The following UPK1A variants were observed in gnomAD, a reference collection of about 807,000 sequenced individuals.
UPK1A encodes uroplakin-1a.
Under a neutral mutation model 32.3 loss-of-function variants are expected in UPK1A, and 31 were observed. That is an observed-to-expected ratio of 0.96 (90% CI 0.72 to 1.30). UPK1A has a LOEUF of 1.30. Ranked by LOEUF, UPK1A falls within the 50% of genes most tolerant of loss-of-function variation. The probability of loss-of-function intolerance (pLI) is 0.00; values close to 1 mark genes in which losing one functional copy is unlikely to be tolerated. For missense variants in UPK1A, 340 were observed against 357.4 expected (o/e 0.95, Z 0.39); for synonymous variants, 135 against 137.1 (o/e 0.98, Z 0.11).
Position 35,668,445 on chromosome 19 carries a change from T to G in UPK1A, c.85-9T>G. On this transcript the variant is annotated splice_polypyrimidine_tract_variant and intron_variant, in intron 2 of 7. Transcript: ENST00000617999. ...CGAGCAGACCTTCCTAACCCACCGC[T>G]CTGTCCAGCTGTCAGGCCTGTCCCT... The G allele has an allele frequency of 6.2e-7, 1 of 1,614,042 alleles. No individual in the cohort carries two copies. The highest frequency in any genetic ancestry group is 8.5e-7 in the Non-Finnish European group (1 of 1,180,028).
chr19:35,671,185 G>A (rs1028492856), intron 3 of UPK1A, among the ~76,000 whole-genome samples: 6 of 151,662 alleles, frequency 4.0e-5, no homozygotes, highest in Admixed American at 6.6e-5. Context: ...TCAGGAGATC[G>A]AGACCTTCCT....
exon 3 of UPK1A, chr19:35,668,512 T>A: frequency 1.2e-6 from 2 of 1,614,186 alleles, no homozygotes; most frequent in Non-Finnish European, 8.5e-7. Flanking sequence ...CAGTACCGTG[T>A]ATACCCACTG....
intron 3 of UPK1A, among the ~76,000 whole-genome samples, chr19:35,671,183 T>G (rs547459824): frequency 3.8e-4 from 58 of 151,810 alleles, no homozygotes; most frequent in Middle Eastern, 6.8e-3. Context: ...GGTCAGGAGA[T>G]CGAGACCTTC....
exon 8 of UPK1A, chr19:35,678,046 C>T: frequency 5.8e-6 from 9 of 1,555,948 alleles, no homozygotes; most frequent in East Asian, 2.3e-5. Flanking sequence ...GCAACATACA[C>T]ACCCCGGACT....
At chr19:35,676,379 G>A (rs750222456) in intron 6 of UPK1A, 80 of 362,640 alleles carry the variant, frequency 2.2e-4, no homozygotes, top group African/African-American at 1.4e-3. Context: ...TAGCAGAGAC[G>A]GGGTTTGACC....
Position 35,668,579 on chromosome 19 carries a change from C to A in UPK1A, c.210C>A (p.Cys70Ter), listed in dbSNP as rs79704093. ...CTGGTGCCTGGATTGCCATCTTCTG[C>A]GGCTTCTCCTTCTTCATGGTAGCCA... Residue 70 changes from cysteine (C) to a stop codon, truncating the protein, a stop_gained, in exon 3 of 8, where the codon TGC becomes TGA. Transcript: ENST00000617999. LOFTEE classifies it high-confidence loss of function. 4.3e-6 allele frequency: 7 copies of A among 1,614,122 alleles called. No homozygotes were observed. Among genetic ancestry groups the A allele is most frequent in the Admixed American group, 1.7e-5 (1 of 59,988 alleles).
At chr19:35,668,469 C>G (rs1331329884) in exon 3 of UPK1A, 1 of 1,614,054 alleles carries the variant, frequency 6.2e-7, no homozygotes, top group African/African-American at 1.3e-5. Context: ...AGGCCTGTCC[C>G]TGTTTGCTGA....
chr19:35,673,539 G>T (rs1425390870), exon 5 of UPK1A: 1 of 1,613,274 alleles, frequency 6.2e-7, no homozygotes, highest in African/African-American at 1.3e-5. Context: ...ACCGCGTCAT[G>T]ATTGAGGTGG....
At chr19:35,677,878 G>A (rs1968206725) in exon 7 of UPK1A, 1 of 1,610,978 alleles carries the variant, frequency 6.2e-7, no homozygotes, top group Non-Finnish European at 8.5e-7. Flanking sequence ...GTTTGGGTTT[G>A]CCATCCTGAT....
exon 2 of UPK1A, chr19:35,666,813 A>G: frequency 6.2e-7 from 1 of 1,614,094 alleles, no homozygotes; most frequent in Non-Finnish European, 8.5e-7. Flanking sequence ...TCCCAGGATG[A>G]TGGCGTCTGC....
At chr19:35,670,848 G>A (rs1168158531) in intron 3 of UPK1A, among the ~76,000 whole-genome samples, 2 of 151,318 alleles carry the variant, frequency 1.3e-5, no homozygotes, top group East Asian at 4.0e-4. Context: ...CCAATGAGCT[G>A]GGACTACAAG....
At chr19:35,669,532 A>T (rs1279149576) in intron 3 of UPK1A, among the ~76,000 whole-genome samples, 1 of 151,148 alleles carries the variant, frequency 6.6e-6, no homozygotes, top group African/African-American at 2.4e-5. Context: ...TTAGCCACGC[A>T]TGGTGGCAGG....
At chr19:35,668,805 C>G in intron 3 of UPK1A, 151 bp downstream of exon 3, 1 of 887,442 alleles carries the variant, frequency 1.1e-6, no homozygotes, top group Non-Finnish European at 1.7e-6. Flanking sequence ...AGTCTTCCCA[C>G]AGCCCAATAA....
intron 6 of UPK1A, 127 bp downstream of exon 6, chr19:35,676,146 C>A: frequency 9.5e-7 from 1 of 1,058,072 alleles, no homozygotes. Context: ...CTCTCCTCTT[C>A]CCCTCTCTGA....
At chr19:35,669,153 A>G (rs1250716731) in intron 3 of UPK1A, among the ~76,000 whole-genome samples, 3 of 152,110 alleles carry the variant, frequency 2.0e-5, no homozygotes, top group East Asian at 1.9e-4. Flanking sequence ...CCACCAAGAG[A>G]TACTGTCATC....
intron 3 of UPK1A, among the ~76,000 whole-genome samples, chr19:35,671,124 C>T (rs1354788578): frequency 6.6e-6 from 1 of 151,984 alleles, no homozygotes; most frequent in Non-Finnish European, 1.5e-5. Flanking sequence ...CTCGGTGGCT[C>T]ACGCCTGTAA....
intron 7 of UPK1A, 34 bp from the exon 8 acceptor site, chr19:35,677,941 G>A (rs1968208620): frequency 6.3e-7 from 1 of 1,585,964 alleles, no homozygotes; most frequent in East Asian, 2.3e-5. Context: ...GGGGTGGGGG[G>A]CGGAGTGCCC....
At chr19:35,673,386 C>T (rs1488436268) in intron 4 of UPK1A, 52 bp from the exon 5 acceptor site, 8 of 1,609,928 alleles carry the variant, frequency 5.0e-6, no homozygotes, top group South Asian at 1.1e-5. Context: ...CGGAGGTCGT[C>T]CTCTCTCCCC....
chr19:35,677,532 CA>C (rs56715648), intron 6 of UPK1A, among the ~76,000 whole-genome samples: 14,638 of 122,902 alleles, frequency 0.12, 693 homozygotes, highest in East Asian at 0.27. Flanking sequence ...AGACTGTCTC[CA>C]AAAAAAAAAA....
Sources: gnomAD v4.1 joint callset for allele counts (sites outside exome capture counted in the v4.1 genomes callset) on GRCh38, gnomAD v4.1.1 for gene constraint, MANE v1.5 for transcripts, NCBI Gene and HGNC (gene_info 2026-07-23, HGNC 2026-07-21) for gene names.